Variants in XRN1 observed in about 807,000 individuals in gnomAD.
The protein encoded by XRN1 is strand-exchange protein 1 homolog.
A neutral mutation model predicts 222.3 loss-of-function variants in XRN1; 67 were observed. The observed-to-expected ratio is 0.30, with a 90% CI of 0.25 to 0.37. XRN1 has a LOEUF of 0.37. Ranked by LOEUF, XRN1 falls within the 10% of genes least tolerant of loss-of-function variation. The pLI is 1.00. For synonymous variants in XRN1, 643 were observed against 652.4 expected, an observed-to-expected ratio of 0.99 and a Z score of 0.22; for missense variants, 1,707 against 2,000.2, an observed-to-expected ratio of 0.85 and a Z score of 2.80.
At chr3:142,396,377 T>G (rs1005919369) in intron 20 of XRN1, among the ~76,000 whole-genome samples, 1 of 152,256 alleles carries the variant, frequency 6.6e-6, no homozygotes, top group Non-Finnish European at 1.5e-5. Flanking sequence ...ATATGCTCTC[T>G]ACTCTTATGG....
At chr3:142,319,026 G>T in intron 37 of XRN1, 123 bp from the exon 38 acceptor site, 3 of 825,978 alleles carry the variant, frequency 3.6e-6, no homozygotes, top group Non-Finnish European at 5.4e-6. Flanking sequence ...TTCAGTTCAA[G>T]TTTTCAATTG....
rs1000505057 is a variant in XRN1, at chr3:142,308,505, C to T, written c.*3006G>A. On this transcript the variant is annotated 3_prime_UTR_variant, in exon 41 of 41. Coordinates refer to ENST00000392981, the MANE Select transcript of XRN1 (RefSeq NM_001282857.2). ...AAAATCTTAAATTGAAACCAAGGTT[C>T]AGTAGAGGTGACTTTAATTTTTTTC... The T allele has an allele frequency of 2.0e-5, 3 of 152,168 alleles. No homozygotes were observed. The highest frequency in any genetic ancestry group is 7.2e-5 in the African/African-American group (3 of 41,448). 9.4% of individuals were successfully genotyped at this position (152,168 alleles called of 1,614,324 possible).
chr3:142,397,681 G>A (rs2067980439), intron 19 of XRN1, among the ~76,000 whole-genome samples: 1 of 152,050 alleles, frequency 6.6e-6, no homozygotes, highest in African/African-American at 2.4e-5. Context: ...AATTTTAAAA[G>A]CATGGGAAGT....
chr3:142,440,767 G>A (rs889832455), intron 1 of XRN1, among the ~76,000 whole-genome samples: 3 of 152,108 alleles, frequency 2.0e-5, no homozygotes, highest in East Asian at 1.9e-4. Flanking sequence ...GAAGCAGAGC[G>A]GTTTACAGTC....
chr3:142,382,234 A>G lies in XRN1; in HGVS notation c.2616+1066T>C, dbSNP rs117619559. Among the ~76,000 whole-genome samples, 214 of 152,232 alleles carry G rather than the reference A, an allele frequency of 1.4e-3. 2 individuals are homozygous for G. The East Asian group carries it at 0.015, about 11-fold the overall frequency. ...TATCCTGCTCCTGATTTAAAAAAAA[A>G]ATGCCCCCTAGATTTAGTTCCCAAA... On this transcript the variant is annotated intron_variant, in intron 22 of 40. Coordinates refer to ENST00000392981, the MANE Select transcript of XRN1 (RefSeq NM_001282857.2).
At chr3:142,314,760 C>A (rs1388251180) in intron 39 of XRN1, among the ~76,000 whole-genome samples, 1 of 151,510 alleles carries the variant, frequency 6.6e-6, no homozygotes, top group Admixed American at 6.6e-5. Flanking sequence ...CAAAAATTAG[C>A]CAGGTGTGGT....
At chr3:142,429,315 T>G (rs1320370927) in intron 2 of XRN1, among the ~76,000 whole-genome samples, 5 of 151,660 alleles carry the variant, frequency 3.3e-5, no homozygotes, top group African/African-American at 1.2e-4. Flanking sequence ...CCTGGCTAAT[T>G]GTTTTTGTAT....
At chr3:142,410,493 T>G (rs1043821458) in intron 15 of XRN1, among the ~76,000 whole-genome samples, 2 of 130,454 alleles carry the variant, frequency 1.5e-5, no homozygotes, top group Non-Finnish European at 3.3e-5. Flanking sequence ...TCATGTTTTT[T>G]TTTTTTTTTT....
In XRN1 at chr3:142,319,935, C is replaced by G. The variant is rs560030164; in HGVS notation, c.4405-1032G>C. On this transcript the variant is annotated intron_variant, in intron 37 of 40. Coordinates refer to ENST00000392981, the MANE Select transcript of XRN1 (RefSeq NM_001282857.2). ...ACACACACACACACACACACACGCA[C>G]GCACACATACCCACACACATTTTCT... 2.3e-4 allele frequency among the ~76,000 whole-genome samples: 35 copies of G among 152,142 alleles called. No homozygotes were observed. The South Asian group carries it at 6.4e-3, about 28-fold the overall frequency.
In XRN1 at chr3:142,421,060, C is replaced by T. The variant is rs138759790; in HGVS notation, c.1129G>A (p.Ala377Thr). Reference sequence around the variant, plus strand: ...TTGTAGTTCCTGGCTTCTTCTGCTGCGACACCTGCTGCTTCATTGAGGTAC... The same window carrying T: ...TTGTAGTTCCTGGCTTCTTCTGCTGTGACACCTGCTGCTTCATTGAGGTAC... Reference protein sequence around the residue: ...NKYLNEAAGVAAEEARNYKEK... With the variant: ...NKYLNEAAGVTAEEARNYKEK... The change falls in exon 10 of 41, where the codon GCA becomes ACA. Residue 377 changes from alanine to threonine, a missense_variant. Transcript: ENST00000392981. 56 of 1,613,878 alleles carry T rather than the reference C, an allele frequency of 3.5e-5. 1 individual carries two copies. Among genetic ancestry groups the T allele is most frequent in the African/African-American group, 1.3e-4 (10 of 74,926 alleles).
chr3:142,332,789 TA>T (rs2065737085), intron 35 of XRN1, 177 bp downstream of exon 35: 2 of 971,998 alleles, frequency 2.1e-6, no homozygotes, highest in Non-Finnish European at 2.9e-6. Flanking sequence ...AACTGTGGTC[TA>T]AAGAGAAAAA....
chr3:142,405,144 G>A (rs1466572740), intron 15 of XRN1, 68 bp from the exon 16 acceptor site: 4 of 1,490,844 alleles, frequency 2.7e-6, no homozygotes, highest in Non-Finnish European at 3.7e-6. Flanking sequence ...AACAGAATAA[G>A]TCTTTTTCCT....
intron 36 of XRN1, among the ~76,000 whole-genome samples, chr3:142,331,215 G>A (rs1023529665): frequency 6.6e-6 from 1 of 152,138 alleles, no homozygotes; most frequent in Non-Finnish European, 1.5e-5. Flanking sequence ...TTTTGTATCA[G>A]TCATTCTTCC....
chr3:142,420,880 T>G, intron 10 of XRN1, 136 bp downstream of exon 10: 2 of 1,092,558 alleles, frequency 1.8e-6, no homozygotes, highest in Non-Finnish European at 1.3e-6. Flanking sequence ...ACCAAATCAA[T>G]TTCTGAAATG....
chr3:142,314,602 C>A (rs935968697), intron 39 of XRN1, among the ~76,000 whole-genome samples: 7 of 151,960 alleles, frequency 4.6e-5, no homozygotes, highest in African/African-American at 1.7e-4. Flanking sequence ...GTCATGAAAA[C>A]TTTATGACTA....
At chr3:142,427,056 G>A (rs1474190604) in intron 2 of XRN1, among the ~76,000 whole-genome samples, 5 of 152,178 alleles carry the variant, frequency 3.3e-5, no homozygotes, top group Admixed American at 3.3e-4. Flanking sequence ...CAGGCCAGGT[G>A]CAGTGGCTCA....
At chr3:142,391,162 C>A (rs2067697181) in intron 20 of XRN1, among the ~76,000 whole-genome samples, 1 of 152,030 alleles carries the variant, frequency 6.6e-6, no homozygotes, top group African/African-American at 2.4e-5. Flanking sequence ...GAAGTGAGCA[C>A]ATACTGTTGG....
chr3:142,382,304 T>C lies in XRN1; in HGVS notation c.2616+996A>G, dbSNP rs79766126. Among the ~76,000 whole-genome samples, 1,029 of 152,248 alleles carry C rather than the reference T, an allele frequency of 6.8e-3. 7 individuals carry two copies. Among genetic ancestry groups the C allele is most frequent in the Non-Finnish European group, 0.011 (745 of 68,002 alleles). ...AATCTTTATCATAATGGTTGCACAA[T>C]GGTTTTTCAACTGCAGCACTCTCTC... On this transcript the variant is annotated intron_variant, in intron 22 of 40. Coordinates refer to ENST00000392981, the MANE Select transcript of XRN1 (RefSeq NM_001282857.2).
At chr3:142,371,164 G>A in intron 26 of XRN1, 75 bp downstream of exon 26, 1 of 972,932 alleles carries the variant, frequency 1.0e-6, no homozygotes, top group South Asian at 1.5e-5. Flanking sequence ...TGAAATTCTT[G>A]AGAAACCAGC....
Sources: gnomAD v4.1 joint callset for allele counts (sites outside exome capture counted in the v4.1 genomes callset) on GRCh38, gnomAD v4.1.1 for gene constraint, MANE v1.5 for transcripts, NCBI Gene and HGNC (gene_info 2026-07-23, HGNC 2026-07-21) for gene names.